ABCB1: variants seen among roughly 807,000 people sequenced by gnomAD.
ABCB1 encodes ATP binding cassette subfamily B member 1.
In ABCB1, 69 loss-of-function variants were observed where a neutral mutation model predicts 142.0. That is an observed-to-expected ratio of 0.49 (90% CI 0.40 to 0.59). The LOEUF (loss-of-function observed/expected upper bound fraction) is 0.59, where lower values mean the gene tolerates loss of function less well. Among genes scored for constraint, ABCB1 ranks in the 20% least tolerant of loss-of-function variants. The pLI is 0.00. For synonymous variants in ABCB1, 532 were observed against 539.2 expected, an observed-to-expected ratio of 0.99 and a Z score of 0.18; for missense variants, 1,326 against 1,554.7, an observed-to-expected ratio of 0.85 and a Z score of 2.47.
At chr7:87,634,420 G>A (rs1237600913) in intron 1 of ABCB1, among the ~76,000 whole-genome samples, 2 of 145,264 alleles carry the variant, frequency 1.4e-5, no homozygotes, top group East Asian at 2.1e-4. Flanking sequence ...TCAAGAGTTC[G>A]AGACCAGCCT....
At chr7:87,586,358 C>T (rs1190057655) in intron 3 of ABCB1, among the ~76,000 whole-genome samples, 1 of 152,038 alleles carries the variant, frequency 6.6e-6, no homozygotes, top group African/African-American at 2.4e-5. Context: ...CAAAAAGTTA[C>T]AGGAAAAGGA....
At chr7:87,558,856 T>C (rs1370198023) in intron 8 of ABCB1, among the ~76,000 whole-genome samples, 2 of 152,066 alleles carry the variant, frequency 1.3e-5, no homozygotes, top group Non-Finnish European at 2.9e-5. Context: ...TCTATTAATA[T>C]GGTTAATTAT....
At chr7:87,688,979 G>A (rs1351926261) in intron 1 of ABCB1, among the ~76,000 whole-genome samples, 1 of 151,920 alleles carries the variant, frequency 6.6e-6, no homozygotes, top group Non-Finnish European at 1.5e-5. Context: ...TACAGAATGA[G>A]AGATTTATTA....
intron 1 of ABCB1, among the ~76,000 whole-genome samples, chr7:87,625,253 T>A (rs1157551011): frequency 1.3e-5 from 2 of 150,434 alleles, no homozygotes; most frequent in African/African-American, 4.9e-5. Flanking sequence ...CGAGACTGCG[T>A]CTCAAAAAAA....
Position 87,522,287 on chromosome 7 carries a change from G to A in ABCB1, c.2686-1411C>T, listed in dbSNP as rs1324299112. The A allele has an allele frequency of 1.5e-5, 12 of 812,502 alleles. No homozygotes were observed. The East Asian group carries it at 2.4e-4, about 17-fold the overall frequency. The allele number at this position is 812,502 out of a possible 1,614,324, so 50.3% of individuals were successfully genotyped here. A position where few individuals can be genotyped will look rare whatever the true frequency, so the allele number is the denominator to read the frequency against. On this transcript the variant is annotated intron_variant, in intron 21 of 27. Transcript: ENST00000622132. The stretch of plus-strand genomic sequence containing the variant: ...TTTACATTTTGGACCCATGAAGGGA[G>A]GAAACTTTGGAGGCAGAAGCTCTGG...
chr7:87,520,029 A>C (rs1365097246), intron 22 of ABCB1, among the ~76,000 whole-genome samples: 1 of 152,160 alleles, frequency 6.6e-6, no homozygotes, highest in Admixed American at 6.5e-5. Flanking sequence ...GGCTTTAAAA[A>C]GGGGTTGACA....
At chr7:87,568,453 C>T (rs1385358824) in intron 5 of ABCB1, among the ~76,000 whole-genome samples, 1 of 151,054 alleles carries the variant, frequency 6.6e-6, no homozygotes, top group Non-Finnish European at 1.5e-5. Flanking sequence ...CTTCACTAAA[C>T]AATTAATTTT....
At chr7:87,561,164 T>C in intron 8 of ABCB1, 99 bp downstream of exon 8, 2 of 1,403,492 alleles carry the variant, frequency 1.4e-6, no homozygotes, top group South Asian at 1.3e-5. Context: ...AGAAAACATA[T>C]ATATGGGAGA....
At chr7:87,534,002 G>A (rs1365671569) in intron 20 of ABCB1, among the ~76,000 whole-genome samples, 1 of 152,172 alleles carries the variant, frequency 6.6e-6, no homozygotes, top group Non-Finnish European at 1.5e-5. Flanking sequence ...GCAGAAGGTT[G>A]ACCCCAGCAG....
chr7:87,534,930 A>C (rs1177045460), intron 20 of ABCB1, among the ~76,000 whole-genome samples: 17 of 142,114 alleles, frequency 1.2e-4, no homozygotes, highest in Admixed American at 5.2e-4. Flanking sequence ...AAAAAAAAAA[A>C]AAAAAAAAAA....
intron 1 of ABCB1, among the ~76,000 whole-genome samples, chr7:87,700,837 G>T (rs1185911926): frequency 6.6e-6 from 1 of 152,160 alleles, no homozygotes; most frequent in Non-Finnish European, 1.5e-5. Context: ...CCTTTTCGCT[G>T]TGTTGATATT....
At chr7:87,697,643 G>A (rs1056479089) in intron 1 of ABCB1, among the ~76,000 whole-genome samples, 37 of 152,166 alleles carry the variant, frequency 2.4e-4, no homozygotes, top group African/African-American at 8.9e-4. Flanking sequence ...CTGCTTGTAT[G>A]ATTACAGTAA....
chr7:87,651,451 A>G (rs1441271939), intron 1 of ABCB1, among the ~76,000 whole-genome samples: 1 of 152,154 alleles, frequency 6.6e-6, no homozygotes, highest in Non-Finnish European at 1.5e-5. Flanking sequence ...CTTGGAAGCT[A>G]TACTCTCTGA....
chr7:87,582,430 C>G (rs558341427), intron 4 of ABCB1, among the ~76,000 whole-genome samples: 7 of 152,092 alleles, frequency 4.6e-5, no homozygotes, highest in Non-Finnish European at 1.0e-4. Flanking sequence ...ATTGGTTCAC[C>G]CTTGTCCATC....
In ABCB1 at chr7:87,573,264, T is replaced by C. The variant is rs1038248098; in HGVS notation, c.287-3041A>G. ...GACTGTCATTGAAGGTTATCACCAG[T>C]TTGTAGGACCTCATTATCCTGGTTC... On this transcript the variant is annotated intron_variant, in intron 4 of 27. Transcript: ENST00000622132. Among the ~76,000 whole-genome samples the C allele has an allele frequency of 1.3e-5, 2 of 152,054 alleles. 1 individual carries two copies.
At chr7:87,544,682 T>A in intron 16 of ABCB1, 141 bp downstream of exon 16, 1 of 822,014 alleles carries the variant, frequency 1.2e-6, no homozygotes, top group Non-Finnish European at 2.0e-6. Context: ...AACCTGATTC[T>A]AAAATGTTGA....
intron 1 of ABCB1, among the ~76,000 whole-genome samples, chr7:87,636,425 GTTTATTT>G (rs1466159826): frequency 6.6e-6 from 1 of 152,070 alleles, no homozygotes; most frequent in African/African-American, 2.4e-5. Flanking sequence ...TCTGCTTTTT[GTTTATTT>G]TTTAGATGTG....
At chr7:87,545,711 A>C in intron 15 of ABCB1, 152 bp downstream of exon 15, 1 of 786,326 alleles carries the variant, frequency 1.3e-6, no homozygotes, top group South Asian at 2.0e-5. Context: ...AGAGAGAAAA[A>C]AAATCTTAAA....
At chr7:87,594,464 G>A (rs1292198661) in intron 3 of ABCB1, among the ~76,000 whole-genome samples, 1 of 151,998 alleles carries the variant, frequency 6.6e-6, no homozygotes, top group Non-Finnish European at 1.5e-5. Flanking sequence ...TATATAGTAG[G>A]TCTGTTAAAT....
Sources: gnomAD v4.1 joint callset for allele counts (sites outside exome capture counted in the v4.1 genomes callset) on GRCh38, gnomAD v4.1.1 for gene constraint, MANE v1.5 for transcripts, NCBI Gene and HGNC (gene_info 2026-07-23, HGNC 2026-07-21) for gene names.